The following COBL variants were observed in gnomAD, a reference collection of about 807,000 sequenced individuals.
COBL encodes the protein cordon-bleu WH2 repeat protein, also known as protein cordon-bleu.
In COBL, 51 loss-of-function variants were observed where a neutral mutation model predicts 98.8. That is an observed-to-expected ratio of 0.52 (90% confidence interval 0.41 to 0.65). The LOEUF is 0.65. COBL is among the 30% of genes least tolerant of loss of function. COBL has a pLI of 0.00. For synonymous variants in COBL, 634 were observed against 651.7 expected (o/e 0.97, Z 0.41); for missense variants, 1,617 against 1,617.5 (o/e 1.00, Z 0.01).
intron 5 of COBL, among the ~76,000 whole-genome samples, chr7:51,176,053 C>T (rs753350007): frequency 3.3e-5 from 5 of 152,172 alleles, no homozygotes; most frequent in Non-Finnish European, 7.4e-5. Context: ...CTAGGGAATA[C>T]GCTAGACAGG....
intron 12 of COBL, among the ~76,000 whole-genome samples, chr7:51,018,954 G>T (rs1223063103): frequency 2.2e-4 from 18 of 80,950 alleles, no homozygotes; most frequent in South Asian, 4.3e-4. Flanking sequence ...ATATATATAT[G>T]ATTTTTTTTG....
At chr7:51,239,911 G>A (rs1391433631) in intron 1 of COBL, among the ~76,000 whole-genome samples, 1 of 152,158 alleles carries the variant, frequency 6.6e-6, no homozygotes, top group African/African-American at 2.4e-5. Flanking sequence ...GGCTTTGTGG[G>A]CCATATGATC....
rs1786359502 is a variant in COBL, at chr7:51,017,227, TGCCCA to T, written c.*319_*323del. 1.5e-5 allele frequency: 8 copies of T among 529,034 alleles called. No homozygotes were observed. The South Asian group carries it at 2.6e-4, about 17-fold the overall frequency. The allele number at this position is 529,034 out of a possible 1,614,324, so 32.8% of individuals were successfully genotyped here. On this transcript the variant is annotated 3_prime_UTR_variant, in exon 13 of 13. Transcript: ENST00000265136. ...GTCTAAGGCATGATTCTTTTTACTT[TGCCCA>T]TAAATATAATTAAGTGTGAGTGCTG...
At chr7:51,061,217 G>A (rs906126157) in intron 7 of COBL, among the ~76,000 whole-genome samples, 1 of 151,958 alleles carries the variant, frequency 6.6e-6, no homozygotes, top group Non-Finnish European at 1.5e-5. Context: ...TTCTCATTTT[G>A]TTAAGAATAT....
At chr7:51,059,791 G>A (rs1791139772) in intron 7 of COBL, among the ~76,000 whole-genome samples, 1 of 152,194 alleles carries the variant, frequency 6.6e-6, no homozygotes, top group African/African-American at 2.4e-5. Flanking sequence ...CAGAAATACA[G>A]CCAAGATGAT....
chr7:51,138,136 G>A lies in COBL; in HGVS notation c.784-1805C>T, dbSNP rs897377928. ...CAGACACTGAATATCAACGATGCCCGATGCTTTGGCTATCAGGTGCAGAGT... is the reference window on the plus strand; with the variant it reads ...CAGACACTGAATATCAACGATGCCCAATGCTTTGGCTATCAGGTGCAGAGT... On this transcript the variant is annotated intron_variant, in intron 5 of 12. Coordinates refer to ENST00000265136, the MANE Select transcript of COBL (RefSeq NM_015198.5). Among the ~76,000 whole-genome samples, 4 of 152,154 alleles carry A rather than the reference G, an allele frequency of 2.6e-5. No homozygotes were observed. The East Asian group carries it at 7.7e-4, about 29-fold the overall frequency.
intron 2 of COBL, among the ~76,000 whole-genome samples, chr7:51,213,959 C>T (rs1400685596): frequency 1.3e-5 from 2 of 152,044 alleles, no homozygotes; most frequent in Non-Finnish European, 2.9e-5. Context: ...ATCCGCATTT[C>T]AAAACTGTTA....
chr7:51,050,603 G>A (rs775569514), intron 7 of COBL, among the ~76,000 whole-genome samples: 1 of 152,210 alleles, frequency 6.6e-6, no homozygotes, highest in Non-Finnish European at 1.5e-5. Context: ...TCCACCAGAG[G>A]TGTTCAGGAA....
At chr7:51,171,555 A>G (rs926833188) in intron 5 of COBL, among the ~76,000 whole-genome samples, 26 of 152,080 alleles carry the variant, frequency 1.7e-4, no homozygotes, top group African/African-American at 6.0e-4. Flanking sequence ...AAATTTTTTA[A>G]TTGTCTTTCA....
At chr7:51,127,078 C>T (rs1451366154) in intron 6 of COBL, among the ~76,000 whole-genome samples, 1 of 152,164 alleles carries the variant, frequency 6.6e-6, no homozygotes, top group Non-Finnish European at 1.5e-5. Context: ...CAAATACAAG[C>T]TGTGTGCTCA....
intron 1 of COBL, among the ~76,000 whole-genome samples, chr7:51,252,059 T>G (rs1203777045): frequency 6.6e-6 from 1 of 152,206 alleles, no homozygotes; most frequent in African/African-American, 2.4e-5. Flanking sequence ...GATGTCCTTA[T>G]GTGCTCTTTT....
intron 6 of COBL, among the ~76,000 whole-genome samples, chr7:51,131,243 A>C (rs1156653612): frequency 1.3e-5 from 2 of 152,242 alleles, no homozygotes; most frequent in Non-Finnish European, 2.9e-5. Flanking sequence ...ATAACTTTAA[A>C]ATATTTTTGA....
intron 6 of COBL, among the ~76,000 whole-genome samples, chr7:51,108,391 C>T (rs1369084023): frequency 2.0e-5 from 3 of 152,136 alleles, no homozygotes; most frequent in Admixed American, 6.5e-5. Flanking sequence ...GAAAGGGATT[C>T]GGTTGGGGTG....
chr7:51,030,947 TTACTA>T, intron 8 of COBL, 38 bp from the exon 9 acceptor site: 1 of 1,312,018 alleles, frequency 7.6e-7, no homozygotes, highest in Non-Finnish European at 1.1e-6. Context: ...CTCATTTCTC[TTACTA>T]TTGATTTAAT....
chr7:51,094,357 T>A (rs1795089841), intron 6 of COBL, among the ~76,000 whole-genome samples: 1 of 152,092 alleles, frequency 6.6e-6, no homozygotes, highest in Non-Finnish European at 1.5e-5. Flanking sequence ...CCATAATTGC[T>A]TAAAGAATAT....
At position 51,136,139 on chromosome 7, in the gene COBL, G is replaced by C. The variant is rs1234008830; in HGVS notation, c.957+19C>G. On this transcript the variant is annotated intron_variant, in intron 6 of 12. Transcript: ENST00000265136. ...CACTGAAAAGATGCTTTGGTTGTGAGAACAGCCCACTGCCCTACCTTTTCC... is the reference window on the plus strand; with the variant it reads ...CACTGAAAAGATGCTTTGGTTGTGACAACAGCCCACTGCCCTACCTTTTCC... 2.5e-6 allele frequency: 4 copies of C among 1,601,660 alleles called. No homozygotes were observed. The highest frequency in any genetic ancestry group is 3.4e-6 in the Non-Finnish European group (4 of 1,175,418).
At position 51,029,395 on chromosome 7, in the gene COBL, G is replaced by C. The variant is rs761242770; in HGVS notation, c.1701C>G (p.Phe567Leu). Residue 567 changes from phenylalanine (F) to leucine (L), a missense_variant, in exon 10 of 13, where the codon TTC (phenylalanine) becomes TTG (leucine). Physicochemically the swap from Phe to Leu is conservative, Grantham distance 22 (BLOSUM62 0). Coordinates refer to ENST00000265136, the MANE Select transcript of COBL (RefSeq NM_015198.5). ...FSNRNNNAGS[F>L]DSEGVASRRD... is the part of the protein sequence containing the mutation. ...TCCTGCTGGCAACACCCTCCGAGTC[G>C]AAAGACCCAGCATTGTTGTTTCTAT... is the stretch of plus-strand genomic sequence containing the variant. 1 of 1,613,002 alleles carries C rather than the reference G, an allele frequency of 6.2e-7. No homozygotes were observed. Among genetic ancestry groups the C allele is most frequent in the Admixed American group, 1.7e-5 (1 of 59,984 alleles).
chr7:51,272,948 C>CCAACAACAACAA (rs202039697), intron 1 of COBL, among the ~76,000 whole-genome samples: 2 of 146,100 alleles, frequency 1.4e-5, no homozygotes, highest in Non-Finnish European at 3.0e-5. Context: ...GAACACAATA[C>CCAACAACAACAA]CAACAACAAC....
At chr7:51,081,225 C>T (rs1386159358) in intron 7 of COBL, among the ~76,000 whole-genome samples, 1 of 152,314 alleles carries the variant, frequency 6.6e-6, no homozygotes, top group East Asian at 1.9e-4. Flanking sequence ...CCATCCCAAC[C>T]TCCTCTTCCC....
Sources: gnomAD v4.1 joint callset for allele counts (sites outside exome capture counted in the v4.1 genomes callset) on GRCh38, gnomAD v4.1.1 for gene constraint, MANE v1.5 for transcripts, NCBI Gene and HGNC (gene_info 2026-07-23, HGNC 2026-07-21) for gene names.